TPST1: variants seen among roughly 807,000 people sequenced by gnomAD.
TPST1 encodes the protein tyrosylprotein sulfotransferase 1, also known as protein-tyrosine sulfotransferase 1.
In TPST1, 20 loss-of-function variants were observed where a neutral mutation model predicts 34.8. That is an observed-to-expected ratio of 0.57 (90% confidence interval 0.40 to 0.84). The LOEUF is 0.84. TPST1 is among the 40% of genes least tolerant of loss of function. The pLI is 0.00. For synonymous variants in TPST1, 152 were observed against 159.4 expected, an observed-to-expected ratio of 0.95 and a Z score of 0.35; for missense variants, 353 against 455.5, an observed-to-expected ratio of 0.78 and a Z score of 2.05.
chr7:66,314,451 T>G (rs1334488379), intron 3 of TPST1, among the ~76,000 whole-genome samples: 1 of 152,164 alleles, frequency 6.6e-6, no homozygotes, highest in Admixed American at 6.5e-5. Flanking sequence ...ATGTCAAGCC[T>G]GCAGTGAGCT....
intron 3 of TPST1, among the ~76,000 whole-genome samples, chr7:66,349,433 G>A (rs540231326): frequency 1.3e-5 from 2 of 152,152 alleles, no homozygotes; most frequent in African/African-American, 2.4e-5. Context: ...GTAGCCAGGC[G>A]TGGTGGTGCA....
chr7:66,293,921 A>G (rs1025912045), intron 3 of TPST1, among the ~76,000 whole-genome samples: 4 of 152,222 alleles, frequency 2.6e-5, no homozygotes, highest in Non-Finnish European at 5.9e-5. Flanking sequence ...TTTACAATAT[A>G]TTATTTCAGA....
chr7:66,239,578 T>C (rs1190463052), intron 1 of TPST1, among the ~76,000 whole-genome samples: 2 of 152,230 alleles, frequency 1.3e-5, no homozygotes, highest in East Asian at 3.9e-4. Flanking sequence ...TTCATATTTC[T>C]TCTATAATTT....
intron 2 of TPST1, among the ~76,000 whole-genome samples, chr7:66,251,100 G>A (rs997337141): frequency 6.6e-6 from 1 of 152,162 alleles, no homozygotes; most frequent in Non-Finnish European, 1.5e-5. Flanking sequence ...GTGGATAAAG[G>A]CTTACTGAAA....
At chr7:66,231,341 G>A (rs1789786190) in intron 1 of TPST1, among the ~76,000 whole-genome samples, 1 of 152,386 alleles carries the variant, frequency 6.6e-6, no homozygotes, top group East Asian at 1.9e-4. Context: ...CTGCCTGCCA[G>A]TCCCATGCTG....
chr7:66,218,126 G>T (rs751349760), intron 1 of TPST1, among the ~76,000 whole-genome samples: 5 of 152,078 alleles, frequency 3.3e-5, no homozygotes, highest in Non-Finnish European at 7.4e-5. Flanking sequence ...TGATCTGCCC[G>T]CCTTGGCCTC....
chr7:66,329,560 G>T (rs1018863650), intron 3 of TPST1, among the ~76,000 whole-genome samples: 1 of 152,106 alleles, frequency 6.6e-6, no homozygotes, highest in African/African-American at 2.4e-5. Context: ...GTTTTTGTTT[G>T]TGAGGGCTAT....
At chr7:66,315,619 T>C (rs1019159634) in intron 3 of TPST1, among the ~76,000 whole-genome samples, 3 of 152,206 alleles carry the variant, frequency 2.0e-5, no homozygotes, top group African/African-American at 7.2e-5. Flanking sequence ...AAAAGATCTC[T>C]GATGCGCAAG....
At chr7:66,216,822 A>G (rs143829923) in intron 1 of TPST1, among the ~76,000 whole-genome samples, 214 of 152,312 alleles carry the variant, frequency 1.4e-3, no homozygotes, top group African/African-American at 5.0e-3. Context: ...TTGATTTGCA[A>G]TCTTTTTTAA....
At chr7:66,215,804 G>A (rs1462390847) in intron 1 of TPST1, among the ~76,000 whole-genome samples, 1 of 122,022 alleles carries the variant, frequency 8.2e-6, no homozygotes. Context: ...ACGGAGTCTC[G>A]CTTTGTCGCC....
chr7:66,203,529 A>T (rs1789058315), upstream of TPST1, among the ~76,000 whole-genome samples: 1 of 145,870 alleles, frequency 6.9e-6, no homozygotes, highest in Non-Finnish European at 1.5e-5. Context: ...TCTGTTGCCC[A>T]GGCTGGAGTG....
chr7:66,267,046 TA>T (rs1185753887), intron 2 of TPST1, among the ~76,000 whole-genome samples: 1 of 152,002 alleles, frequency 6.6e-6, no homozygotes, highest in Non-Finnish European at 1.5e-5. Flanking sequence ...TTTAGGATCT[TA>T]AAAAAAATCT....
intron 3 of TPST1, among the ~76,000 whole-genome samples, chr7:66,313,231 T>C (rs896143999): frequency 6.6e-6 from 1 of 152,018 alleles, no homozygotes; most frequent in African/African-American, 2.4e-5. Flanking sequence ...CTGGCCAACA[T>C]GGTGAAACCC....
intron 2 of TPST1, among the ~76,000 whole-genome samples, chr7:66,246,446 A>G (rs947288890): frequency 2.6e-5 from 4 of 152,182 alleles, no homozygotes; most frequent in Admixed American, 1.3e-4. Flanking sequence ...AAAGGAAATC[A>G]GAGAGCTGAT....
At chr7:66,295,788 C>T (rs974463989) in intron 3 of TPST1, among the ~76,000 whole-genome samples, 11 of 152,162 alleles carry the variant, frequency 7.2e-5, no homozygotes, top group Middle Eastern at 6.8e-3. Flanking sequence ...CATGCTACCA[C>T]GCCTGGCTAA....
At chr7:66,356,193 C>T (rs1320422013) in intron 4 of TPST1, among the ~76,000 whole-genome samples, 4 of 152,132 alleles carry the variant, frequency 2.6e-5, no homozygotes, top group African/African-American at 9.7e-5. Flanking sequence ...TCATAAAACT[C>T]GGTAAAGTGT....
chr7:66,244,143 C>G (rs1790099698), intron 2 of TPST1, among the ~76,000 whole-genome samples: 1 of 151,684 alleles, frequency 6.6e-6, no homozygotes, highest in Non-Finnish European at 1.5e-5. Flanking sequence ...TTAGTGGAGA[C>G]AGGGTTTCGC....
chr7:66,262,046 C>T (rs1790499523), intron 2 of TPST1, among the ~76,000 whole-genome samples: 1 of 152,196 alleles, frequency 6.6e-6, no homozygotes, highest in African/African-American at 2.4e-5. Flanking sequence ...GTGCTGCTCT[C>T]TCTGAGCCCT....
chr7:66,206,344 A>G (rs989382954), intron 1 of TPST1, among the ~76,000 whole-genome samples: 1 of 152,122 alleles, frequency 6.6e-6, no homozygotes, highest in Non-Finnish European at 1.5e-5. Flanking sequence ...TCTAGCACAC[A>G]GTAGGCCTGG....
Sources: allele counts gnomAD v4.1 joint callset (sites outside exome capture counted in the v4.1 genomes callset), GRCh38; gene constraint gnomAD v4.1.1; transcripts MANE v1.5; gene names NCBI Gene and HGNC (gene_info 2026-07-23, HGNC 2026-07-21).